The following CNTNAP2 variants were observed in gnomAD, a reference collection of about 807,000 sequenced individuals.
The protein encoded by CNTNAP2 is contactin-associated protein-like 2.
In CNTNAP2, 98 loss-of-function variants were observed where a neutral mutation model predicts 155.2. That is an observed-to-expected ratio of 0.63 (90% CI 0.54 to 0.75). The LOEUF is 0.75. CNTNAP2 is among the 30% of genes least tolerant of loss of function. The pLI is 0.00. For synonymous variants in CNTNAP2, 651 were observed against 631.2 expected (o/e 1.03, Z -0.47); for missense variants, 1,727 against 1,688.1 (o/e 1.02, Z -0.40).
At chr7:146,525,398 C>A (rs1584963563) in intron 1 of CNTNAP2, among the ~76,000 whole-genome samples, 2 of 152,204 alleles carry the variant, frequency 1.3e-5, no homozygotes, top group South Asian at 2.1e-4. Context: ...GGTTTCTAAT[C>A]ATAATTCAAC....
At chr7:147,454,458 G>T (rs1797886762) in intron 10 of CNTNAP2, among the ~76,000 whole-genome samples, 1 of 151,972 alleles carries the variant, frequency 6.6e-6, no homozygotes, top group South Asian at 2.1e-4. Context: ...TACAGTTTGG[G>T]ATATATATTC....
At chr7:146,996,041 A>G (rs1231592340) in intron 3 of CNTNAP2, among the ~76,000 whole-genome samples, 1 of 151,962 alleles carries the variant, frequency 6.6e-6, no homozygotes, top group Non-Finnish European at 1.5e-5. Flanking sequence ...ATAGTTTTGC[A>G]TCTTATGTTT....
At chr7:146,185,437 G>A (rs1469688096) in intron 1 of CNTNAP2, among the ~76,000 whole-genome samples, 3 of 151,992 alleles carry the variant, frequency 2.0e-5, no homozygotes, top group African/African-American at 4.8e-5. Flanking sequence ...GAGTATTTAC[G>A]GGTTGGAACT....
intron 1 of CNTNAP2, among the ~76,000 whole-genome samples, chr7:146,508,441 G>C (rs975413545): frequency 1.3e-5 from 2 of 152,198 alleles, no homozygotes; most frequent in African/African-American, 4.8e-5. Flanking sequence ...AAAGATGCAG[G>C]CTTCACTCCC....
intron 1 of CNTNAP2, among the ~76,000 whole-genome samples, chr7:146,721,323 A>G (rs1197433816): frequency 1.5e-5 from 2 of 131,766 alleles, no homozygotes; most frequent in Non-Finnish European, 3.1e-5. Flanking sequence ...TATATTCTAT[A>G]TATACATTCT....
chr7:148,002,168 GATACTT>G lies in CNTNAP2; in HGVS notation c.2383+24181_2383+24186del, dbSNP rs1247430012. The stretch of plus-strand genomic sequence containing the variant: ...GCAGAACATCTCCCAATTTCTACAA[GATACTT>G]AGAGTTTGATGGTTTAACTATGTTT... On this transcript the variant is annotated intron_variant, in intron 15 of 23. Coordinates refer to ENST00000361727, the MANE Select transcript of CNTNAP2 (RefSeq NM_014141.6). Among the ~76,000 whole-genome samples the G allele has an allele frequency of 2.0e-5, 3 of 152,214 alleles. No homozygotes were observed. The East Asian group carries it at 5.8e-4, about 29-fold the overall frequency.
intron 22 of CNTNAP2, among the ~76,000 whole-genome samples, chr7:148,387,610 A>G (rs1799241871): frequency 6.6e-6 from 1 of 152,092 alleles, no homozygotes; most frequent in East Asian, 1.9e-4. Context: ...CCCTCCCCAT[A>G]CTGACTAAAT....
intron 23 of CNTNAP2, among the ~76,000 whole-genome samples, chr7:148,413,401 A>AAAAAAAAAAAAAATATATAT (rs1442990213): frequency 1.5e-4 from 7 of 45,364 alleles, no homozygotes; most frequent in African/African-American, 2.5e-4. Flanking sequence ...TCAAAAAAAA[A>AAAAAAAAAAAAAATATATAT]ATATATATAT....
intron 1 of CNTNAP2, among the ~76,000 whole-genome samples, chr7:146,217,148 G>A (rs1799127654): frequency 6.6e-6 from 1 of 152,140 alleles, no homozygotes; most frequent in Non-Finnish European, 1.5e-5. Context: ...TTGGATCAGA[G>A]AATACAAAAG....
chr7:147,257,166 G>A (rs1418523780), intron 8 of CNTNAP2, among the ~76,000 whole-genome samples: 1 of 152,184 alleles, frequency 6.6e-6, no homozygotes, highest in African/African-American at 2.4e-5. Context: ...AGATGGAGTT[G>A]TTTTAAGAGG....
chr7:146,917,417 A>G (rs1006228178), intron 3 of CNTNAP2, among the ~76,000 whole-genome samples: 13 of 152,146 alleles, frequency 8.5e-5, no homozygotes, highest in South Asian at 2.1e-4. Flanking sequence ...GAGGTCCCCC[A>G]GTATTATTGT....
chr7:147,543,319 G>A (rs1473429900), intron 11 of CNTNAP2, among the ~76,000 whole-genome samples: 1 of 152,146 alleles, frequency 6.6e-6, no homozygotes, highest in African/African-American at 2.4e-5. Flanking sequence ...TTCTGCCCTG[G>A]GCGGGCTAAG....
chr7:147,661,538 A>C (rs936137814), intron 13 of CNTNAP2, among the ~76,000 whole-genome samples: 4 of 148,612 alleles, frequency 2.7e-5, no homozygotes, highest in African/African-American at 1.0e-4. Context: ...TTTCTCTGCT[A>C]ATTGCTTCTT....
chr7:147,058,231 A>G (rs1461965605), intron 4 of CNTNAP2, among the ~76,000 whole-genome samples: 2 of 152,200 alleles, frequency 1.3e-5, no homozygotes, highest in African/African-American at 4.8e-5. Flanking sequence ...GATTGATTAG[A>G]TCTGCCACAT....
intron 1 of CNTNAP2, among the ~76,000 whole-genome samples, chr7:146,676,743 G>A (rs1056134955): frequency 3.9e-5 from 6 of 152,166 alleles, no homozygotes; most frequent in Non-Finnish European, 8.8e-5. Context: ...AAGAGAGAAT[G>A]AGAGCCAAGC....
chr7:146,814,909 T>C (rs1419311289), intron 2 of CNTNAP2, among the ~76,000 whole-genome samples: 1 of 152,156 alleles, frequency 6.6e-6, no homozygotes, highest in Non-Finnish European at 1.5e-5. Flanking sequence ...AAGACACGAA[T>C]GTAACATTTC....
intron 10 of CNTNAP2, among the ~76,000 whole-genome samples, chr7:147,481,790 G>A (rs1299738274): frequency 2.0e-5 from 3 of 152,130 alleles, no homozygotes; most frequent in Non-Finnish European, 4.4e-5. Flanking sequence ...TCCCGGTCAA[G>A]TCATTCTCAA....
intron 9 of CNTNAP2, among the ~76,000 whole-genome samples, chr7:147,347,461 T>TATATATATATATGC (rs1554472696): frequency 2.4e-4 from 15 of 62,518 alleles, no homozygotes; most frequent in African/African-American, 5.0e-4. Flanking sequence ...TATATGCATA[T>TATATATATATATGC]ATATATATAT....
At chr7:146,667,548 C>T (rs1412818032) in intron 1 of CNTNAP2, among the ~76,000 whole-genome samples, 1 of 151,904 alleles carries the variant, frequency 6.6e-6, no homozygotes, top group Non-Finnish European at 1.5e-5. Context: ...ATTCACTCCA[C>T]AGATTCTTTT....
Sources: gnomAD v4.1 joint callset for allele counts (sites outside exome capture counted in the v4.1 genomes callset) on GRCh38, gnomAD v4.1.1 for gene constraint, MANE v1.5 for transcripts, NCBI Gene and HGNC (gene_info 2026-07-23, HGNC 2026-07-21) for gene names.